The following GRM8 variants were observed in gnomAD, a reference collection of about 807,000 sequenced individuals.
The protein encoded by GRM8 is metabotropic glutamate receptor 8.
Under a neutral mutation model 87.2 loss-of-function variants are expected in GRM8, and 47 were observed. The observed-to-expected ratio is 0.54, with a 90% CI of 0.43 to 0.69. GRM8 has a LOEUF of 0.69. GRM8 is among the 30% of genes least tolerant of loss of function. The pLI, the probability that GRM8 is intolerant of heterozygous loss-of-function variation, is 0.00. For missense variants in GRM8, 1,019 were observed against 1,139.2 expected, an observed-to-expected ratio of 0.89 and a Z score of 1.52; for synonymous variants, 396 against 404.5, an observed-to-expected ratio of 0.98 and a Z score of 0.25.
chr7:127,232,083 G>A (rs138129029), intron 2 of GRM8, among the ~76,000 whole-genome samples: 11 of 152,194 alleles, frequency 7.2e-5, no homozygotes, highest in African/African-American at 1.2e-4. Context: ...TGGAACATGA[G>A]CTGATGAAGT....
chr7:126,802,701 C>T (rs1822856486), intron 6 of GRM8, among the ~76,000 whole-genome samples: 1 of 152,148 alleles, frequency 6.6e-6, no homozygotes, highest in Non-Finnish European at 1.5e-5. Flanking sequence ...ACACATTATC[C>T]TAACCATGCC....
chr7:126,627,009 A>G (rs573744677), intron 7 of GRM8, among the ~76,000 whole-genome samples: 2 of 152,302 alleles, frequency 1.3e-5, no homozygotes, highest in South Asian at 4.1e-4. Flanking sequence ...GCTTGCTTCC[A>G]TTATTTAGAC....
At chr7:127,003,417 T>C (rs1305868733) in intron 3 of GRM8, among the ~76,000 whole-genome samples, 1 of 151,690 alleles carries the variant, frequency 6.6e-6, no homozygotes, top group African/African-American at 2.4e-5. Flanking sequence ...TGAGAAAAAG[T>C]GTGAATTTTA....
intron 6 of GRM8, among the ~76,000 whole-genome samples, chr7:126,856,856 C>A (rs1314798544): frequency 6.6e-6 from 1 of 152,188 alleles, no homozygotes; most frequent in African/African-American, 2.4e-5. Flanking sequence ...GCATTCTTTC[C>A]TTCTGCCCTG....
rs192217260 is a variant in GRM8 at position 126,929,649 on chromosome 7, G to T, written c.728-24966C>A. The stretch of plus-strand genomic sequence containing the variant: ...GGGTTTCACCATGTTGGCCAGGCTG[G>T]TCTCAAACTCCTGCCCTCAGGTGAT... On this transcript the variant is annotated intron_variant, in intron 3 of 10. Coordinates refer to ENST00000339582, the MANE Select transcript of GRM8 (RefSeq NM_000845.3). Among the ~76,000 whole-genome samples, 873 of 152,156 alleles carry T rather than the reference G, an allele frequency of 5.7e-3. 7 individuals carry two copies. The highest frequency in any genetic ancestry group is 8.9e-3 in the Non-Finnish European group (606 of 68,012).
At chr7:127,172,357 T>C (rs1793857222) in intron 2 of GRM8, among the ~76,000 whole-genome samples, 1 of 152,174 alleles carries the variant, frequency 6.6e-6, no homozygotes, top group Non-Finnish European at 1.5e-5. Context: ...TAACATTTTT[T>C]ATGTTTCTTT....
intron 9 of GRM8, among the ~76,000 whole-genome samples, chr7:126,480,396 A>C (rs12540775): frequency 5.9e-5 from 9 of 151,748 alleles, no homozygotes; most frequent in African/African-American, 2.2e-4. Context: ...TAAATAAATA[A>C]ATAAATAAGT....
intron 7 of GRM8, among the ~76,000 whole-genome samples, chr7:126,744,041 G>A (rs1815339197): frequency 6.6e-6 from 1 of 152,004 alleles, no homozygotes; most frequent in Admixed American, 6.6e-5. Context: ...ATAAAAAATT[G>A]CTAGTTTCAC....
At chr7:127,126,548 C>A (rs1237537504) in intron 2 of GRM8, among the ~76,000 whole-genome samples, 1 of 151,828 alleles carries the variant, frequency 6.6e-6, no homozygotes, top group Non-Finnish European at 1.5e-5. Context: ...GTGATGGATA[C>A]ACTAAAAGCC....
intron 6 of GRM8, among the ~76,000 whole-genome samples, chr7:126,830,903 G>C (rs1344586531): frequency 6.6e-6 from 1 of 152,190 alleles, no homozygotes; most frequent in Non-Finnish European, 1.5e-5. Flanking sequence ...CTTTCTGTTT[G>C]TTAGCTTTCC....
chr7:126,560,023 T>C (rs568946221), intron 8 of GRM8, among the ~76,000 whole-genome samples: 3 of 152,298 alleles, frequency 2.0e-5, no homozygotes, highest in African/African-American at 4.8e-5. Flanking sequence ...AACCTAAAGA[T>C]AGAAACCTGC....
At chr7:126,860,654 T>A (rs545269099) in intron 6 of GRM8, among the ~76,000 whole-genome samples, 1 of 152,256 alleles carries the variant, frequency 6.6e-6, no homozygotes, top group Admixed American at 6.5e-5. Context: ...TTTGTAGATA[T>A]TAACTCCAAT....
intron 2 of GRM8, among the ~76,000 whole-genome samples, chr7:127,173,847 TC>T (rs1278043995): frequency 6.6e-6 from 1 of 152,156 alleles, no homozygotes; most frequent in Non-Finnish European, 1.5e-5. Context: ...GAGGCATTCT[TC>T]AGGTAAGGGT....
rs12674061 is a variant in GRM8 at position 126,856,823 on chromosome 7, A to T, written c.1156+45719T>A. On this transcript the variant is annotated intron_variant, in intron 6 of 10. Coordinates refer to ENST00000339582, the MANE Select transcript of GRM8 (RefSeq NM_000845.3). ...TATGGGGAATACCCATCAAAGTGAC[A>T]TATTATCCACTGGAAGATTCGTGCA... Among the ~76,000 whole-genome samples, 7 of 152,318 alleles carry T rather than the reference A, an allele frequency of 4.6e-5. No individual in the cohort carries two copies. The South Asian group carries it at 1.2e-3, about 27-fold the overall frequency.
At chr7:127,218,200 A>G (rs1796692754) in intron 2 of GRM8, among the ~76,000 whole-genome samples, 1 of 152,228 alleles carries the variant, frequency 6.6e-6, no homozygotes. Context: ...GCATGCATTG[A>G]GTGCTTCTTA....
chr7:126,877,636 C>T (rs1300527575), intron 6 of GRM8, among the ~76,000 whole-genome samples: 1 of 152,176 alleles, frequency 6.6e-6, no homozygotes, highest in Non-Finnish European at 1.5e-5. Context: ...CATATCTCTT[C>T]CTATTCAGAT....
At chr7:127,217,873 A>G (rs1183437265) in intron 2 of GRM8, among the ~76,000 whole-genome samples, 1 of 152,346 alleles carries the variant, frequency 6.6e-6, no homozygotes, top group East Asian at 1.9e-4. Context: ...AATCAATTAT[A>G]AAATTAAGCT....
At position 126,533,120 on chromosome 7, in the gene GRM8, T is replaced by C. The variant is rs1457270522; in HGVS notation, c.2262A>G (p.Gly754=). Residue 754 remains glycine (G), a synonymous_variant, in exon 9 of 11, where the codon GGA becomes GGG. Coordinates refer to ENST00000339582, the MANE Select transcript of GRM8 (RefSeq NM_000845.3). ...AAGTGACCATCAAGAGGATACTGTATCCAAGTGAACAAATGAGTGAGAGAT... is the reference window on the plus strand; with the variant it reads ...AAGTGACCATCAAGAGGATACTGTACCCAAGTGAACAAATGAGTGAGAGAT... The part of the protein sequence containing the change: ...ISDLSLICSL[G]YSILLMVTCT... 1 of 1,613,212 alleles carries C rather than the reference T, an allele frequency of 6.2e-7. No homozygotes were observed. The highest frequency in any genetic ancestry group is 2.2e-5 in the East Asian group (1 of 44,834).
intron 3 of GRM8, among the ~76,000 whole-genome samples, chr7:127,021,006 T>C (rs1315664165): frequency 6.6e-6 from 1 of 152,072 alleles, no homozygotes; most frequent in Non-Finnish European, 1.5e-5. Flanking sequence ...TTGTGTGATG[T>C]GCAATTGCCA....
Sources: gnomAD v4.1 joint callset for allele counts (sites outside exome capture counted in the v4.1 genomes callset) on GRCh38, gnomAD v4.1.1 for gene constraint, MANE v1.5 for transcripts, NCBI Gene and HGNC (gene_info 2026-07-23, HGNC 2026-07-21) for gene names.